Variants in PTPRD observed in about 807,000 individuals in gnomAD.
PTPRD encodes the protein receptor-type tyrosine-protein phosphatase delta.
Under a neutral mutation model 214.5 loss-of-function variants are expected in PTPRD, and 34 were observed. The observed-to-expected ratio is 0.16, with a 90% CI of 0.12 to 0.21. PTPRD has a LOEUF of 0.21. PTPRD is among the 10% of genes least tolerant of loss of function. The pLI is 1.00. For synonymous variants in PTPRD, 1,128 were observed against 845.7 expected, an observed-to-expected ratio of 1.33 and a Z score of -5.79; for missense variants, 2,545 against 2,398.7, an observed-to-expected ratio of 1.06 and a Z score of -1.27.
At chr9:10,366,308 C>T (rs1026015761) in intron 2 of PTPRD, among the ~76,000 whole-genome samples, 1 of 152,110 alleles carries the variant, frequency 6.6e-6, no homozygotes. Context: ...ACATAAACTG[C>T]TATGTATACA....
intron 2 of PTPRD, among the ~76,000 whole-genome samples, chr9:10,552,760 C>T (rs1312579296): frequency 2.0e-5 from 3 of 152,118 alleles, no homozygotes; most frequent in Admixed American, 2.0e-4. Flanking sequence ...TTCTGCTCTC[C>T]CATGGAAAGA....
intron 2 of PTPRD, among the ~76,000 whole-genome samples, chr9:10,429,620 A>G (rs1365454846): frequency 1.3e-5 from 2 of 151,854 alleles, no homozygotes; most frequent in African/African-American, 4.8e-5. Flanking sequence ...AGTGAGGGAT[A>G]AAAAATGTGT....
At chr9:8,551,239 A>G (rs1319196264) in intron 14 of PTPRD, among the ~76,000 whole-genome samples, 1 of 152,172 alleles carries the variant, frequency 6.6e-6, no homozygotes, top group Non-Finnish European at 1.5e-5. Flanking sequence ...GCACAAACAT[A>G]TTTTGTAATT....
chr9:10,019,163 G>C (rs2096790211), intron 4 of PTPRD, among the ~76,000 whole-genome samples: 1 of 152,082 alleles, frequency 6.6e-6, no homozygotes, highest in African/African-American at 2.4e-5. Context: ...TCAGCCAAAA[G>C]ACACATGAAA....
intron 2 of PTPRD, among the ~76,000 whole-genome samples, chr9:10,457,837 A>T (rs111991165): frequency 0.012 from 1,825 of 152,208 alleles, 33 homozygotes; most frequent in African/African-American, 0.039. Context: ...TAAAATTGAC[A>T]TACCCATAGC....
intron 11 of PTPRD, among the ~76,000 whole-genome samples, chr9:8,867,771 T>G (rs2098224458): frequency 6.6e-6 from 1 of 152,236 alleles, no homozygotes; most frequent in African/African-American, 2.4e-5. Flanking sequence ...TTTCTCTTTT[T>G]CTTTCTATGC....
At chr9:9,002,713 G>A (rs946667849) in intron 11 of PTPRD, among the ~76,000 whole-genome samples, 28 of 151,954 alleles carry the variant, frequency 1.8e-4, no homozygotes, top group African/African-American at 5.3e-4. Flanking sequence ...CTACTTCTTT[G>A]CACCCAAATT....
intron 21 of PTPRD, among the ~76,000 whole-genome samples, chr9:8,514,239 C>T (rs1407295285): frequency 2.0e-5 from 3 of 152,106 alleles, no homozygotes; most frequent in African/African-American, 4.8e-5. Context: ...CGACTGAAGG[C>T]ATCAGGGTTT....
At chr9:9,992,152 C>G (rs1351204381) in intron 4 of PTPRD, among the ~76,000 whole-genome samples, 1 of 152,036 alleles carries the variant, frequency 6.6e-6, no homozygotes, top group Non-Finnish European at 1.5e-5. Flanking sequence ...GAGTGATATT[C>G]TGGAATGAGA....
intron 14 of PTPRD, among the ~76,000 whole-genome samples, chr9:8,621,021 C>G (rs1366413378): frequency 6.6e-6 from 1 of 151,986 alleles, no homozygotes; most frequent in Non-Finnish European, 1.5e-5. Flanking sequence ...ATGCAAAAAT[C>G]TTATTTTTAC....
At chr9:8,435,786 GA>G (rs1256303418) in intron 35 of PTPRD, among the ~76,000 whole-genome samples, 1 of 151,622 alleles carries the variant, frequency 6.6e-6, no homozygotes, top group Non-Finnish European at 1.5e-5. Flanking sequence ...AATTCACAAA[GA>G]ATCTTTAAGG....
intron 5 of PTPRD, among the ~76,000 whole-genome samples, chr9:9,931,860 C>T (rs956498272): frequency 2.0e-5 from 3 of 150,600 alleles, no homozygotes; most frequent in East Asian, 2.0e-4. Flanking sequence ...GTGGTTCTCC[C>T]AGCACGCAGC....
At chr9:9,953,539 C>T (rs892177857) in intron 4 of PTPRD, among the ~76,000 whole-genome samples, 1 of 151,854 alleles carries the variant, frequency 6.6e-6, no homozygotes, top group African/African-American at 2.4e-5. Flanking sequence ...TACACACTCA[C>T]TTTTGGTTTT....
At chr9:8,801,349 C>T (rs1272751708) in intron 11 of PTPRD, among the ~76,000 whole-genome samples, 1 of 152,202 alleles carries the variant, frequency 6.6e-6, no homozygotes. Context: ...ATTTGTTTCA[C>T]TGATGTTTAG....
chr9:8,839,830 T>C (rs907179474), intron 11 of PTPRD, among the ~76,000 whole-genome samples: 8 of 152,102 alleles, frequency 5.3e-5, no homozygotes, highest in South Asian at 2.1e-4. Flanking sequence ...ATCTAGTTCA[T>C]GAAATATTCG....
At position 9,661,640 on chromosome 9, in the gene PTPRD, TA is replaced by T. The variant is rs1399029716; in HGVS notation, c.-287+72892del. Among the ~76,000 whole-genome samples, 6 of 151,948 alleles carry T rather than the reference TA, an allele frequency of 3.9e-5. No homozygotes were observed. In the East Asian group the frequency reaches 1.2e-3, roughly 29 times the overall value. On this transcript the variant is annotated intron_variant, in intron 7 of 45. Transcript: ENST00000381196. ...TCATAAAAACAAACAAACAAAAAAGTATGTCTAATTTGTTTGCCACTATTCA... is the reference window on the plus strand; with the variant it reads ...TCATAAAAACAAACAAACAAAAAAGTTGTCTAATTTGTTTGCCACTATTCA...
At chr9:8,327,544 T>C (rs1029991189) in intron 44 of PTPRD, among the ~76,000 whole-genome samples, 6 of 152,174 alleles carry the variant, frequency 3.9e-5, no homozygotes, top group Non-Finnish European at 4.4e-5. Context: ...AGATGTGTAT[T>C]ATTAGGTCTG....
At chr9:9,838,704 A>AT (rs76150499) in intron 5 of PTPRD, among the ~76,000 whole-genome samples, 22,232 of 151,856 alleles carry the variant, frequency 0.15, 3,228 homozygotes, top group East Asian at 0.75. Context: ...ATTTTCTCCC[A>AT]TTTTTTTAGG....
chr9:9,150,151 G>C (rs186875878), intron 10 of PTPRD, among the ~76,000 whole-genome samples: 4 of 152,138 alleles, frequency 2.6e-5, no homozygotes, highest in Admixed American at 2.0e-4. Context: ...GTAATGCCTA[G>C]CCATAAGAAA....
Sources: gnomAD v4.1 joint callset for allele counts (sites outside exome capture counted in the v4.1 genomes callset) on GRCh38, gnomAD v4.1.1 for gene constraint, MANE v1.5 for transcripts, NCBI Gene and HGNC (gene_info 2026-07-23, HGNC 2026-07-21) for gene names.